Variants in BAG4 observed in about 807,000 individuals in gnomAD.
The protein encoded by BAG4 is BAG family molecular chaperone regulator 4.
BAG4 carries 28 observed loss-of-function variants against 52.1 expected under a neutral mutation model. The ratio of observed to expected loss-of-function variants is 0.54; its 90% CI spans 0.40 to 0.74. The LOEUF is 0.74. Ranked by LOEUF, BAG4 falls within the 30% of genes least tolerant of loss-of-function variation. The probability of loss-of-function intolerance (pLI) is 0.00; values close to 1 mark genes in which losing one functional copy is unlikely to be tolerated. For synonymous variants in BAG4, 208 were observed against 217.0 expected (o/e 0.96, Z 0.37); for missense variants, 525 against 572.0 (o/e 0.92, Z 0.84).
intron 2 of BAG4, chr8:38,201,888 T>A (rs1157651166): frequency 9.8e-5 from 6 of 61,212 alleles, no homozygotes; most frequent in Admixed American, 1.8e-4. Flanking sequence ...ATATTTTTTT[T>A]TTTTTTTTTT....
intron 2 of BAG4, 95 bp downstream of exon 2, chr8:38,192,890 GT>G (rs1311210897): frequency 3.6e-5 from 32 of 884,214 alleles, no homozygotes; most frequent in Non-Finnish European, 4.5e-5. Flanking sequence ...ATGAGTGTGT[GT>G]TTTTTTTCTT....
At chr8:38,201,033 A>G (rs1803654351) in intron 2 of BAG4, among the ~76,000 whole-genome samples, 4 of 152,240 alleles carry the variant, frequency 2.6e-5, no homozygotes, top group Admixed American at 2.0e-4. Context: ...TTCTGATTTC[A>G]CTGATCTTAC....
At chr8:38,201,861 TA>T (rs1803673586) in intron 2 of BAG4, 10 of 9,098 alleles carry the variant, frequency 1.1e-3, no homozygotes, top group East Asian at 2.8e-3. Context: ...TATATATATA[TA>T]TATATATATA....
chr8:38,188,620 T>G (rs1803409689), intron 1 of BAG4, among the ~76,000 whole-genome samples: 1 of 149,200 alleles, frequency 6.7e-6, no homozygotes, highest in Non-Finnish European at 1.5e-5. Context: ...TATATATACA[T>G]GTACACATAT....
In BAG4 at chr8:38,207,143, G is replaced by C. The variant is rs544751359; in HGVS notation, c.379-369G>C. Reference sequence around the variant, plus strand: ...AATTTTTGTATTTTTAGTAGAGATGGGGTTTCACCATTTTGGCCAGGCTGG... The same window carrying C: ...AATTTTTGTATTTTTAGTAGAGATGCGGTTTCACCATTTTGGCCAGGCTGG... On this transcript the variant is annotated intron_variant, in intron 2 of 4. Coordinates refer to ENST00000287322, the MANE Select transcript of BAG4 (RefSeq NM_004874.4). Among the ~76,000 whole-genome samples the C allele has an allele frequency of 1.2e-3, 177 of 152,018 alleles. 2 individuals are homozygous for C. The highest frequency in any genetic ancestry group is 4.9e-4 in the Non-Finnish European group (33 of 67,966).
At chr8:38,194,868 T>G (rs541145950) in intron 2 of BAG4, among the ~76,000 whole-genome samples, 53 of 148,064 alleles carry the variant, frequency 3.6e-4, no homozygotes, top group African/African-American at 7.2e-4. Flanking sequence ...TTTTTGTTTT[T>G]TTTTTTGGCC....
intron 2 of BAG4, 24 bp downstream of exon 2, chr8:38,192,819 T>C (rs775076193): frequency 1.9e-5 from 29 of 1,522,496 alleles, no homozygotes; most frequent in Non-Finnish European, 4.5e-6. Context: ...ACAGAGACTT[T>C]CTGAACTTTT....
At chr8:38,199,318 G>C (rs1803619066) in intron 2 of BAG4, among the ~76,000 whole-genome samples, 1 of 152,204 alleles carries the variant, frequency 6.6e-6, no homozygotes, top group Non-Finnish European at 1.5e-5. Flanking sequence ...TAGTTATGCA[G>C]TGCATGACTG....
intron 1 of BAG4, among the ~76,000 whole-genome samples, chr8:38,190,735 G>A (rs1004150341): frequency 3.4e-5 from 5 of 148,882 alleles, no homozygotes; most frequent in East Asian, 2.0e-4. Flanking sequence ...GAGCCACTGC[G>A]CCCAGCCCAA....
chr8:38,201,855 TATATATATATATATATATATATA>T (rs1803671501), intron 2 of BAG4: 10 of 8,318 alleles, frequency 1.2e-3, no homozygotes, highest in South Asian at 4.9e-3. Context: ...TATATATATA[TATATATATATATATATATATATA>T]TATTTTTTTT....
chr8:38,202,250 T>C (rs1803691416), intron 2 of BAG4: 1 of 152,082 alleles, frequency 6.6e-6, no homozygotes, highest in Non-Finnish European at 1.5e-5. Flanking sequence ...TGTTCTTAAG[T>C]CCTTCTTTTT....
At chr8:38,201,618 A>G (rs1321115698) in intron 2 of BAG4, 1 of 151,808 alleles carries the variant, frequency 6.6e-6, no homozygotes, top group Admixed American at 6.6e-5. Context: ...TCTATCCAAG[A>G]TAGACTCCTA....
chr8:38,190,916 C>A (rs1235346094), intron 1 of BAG4, among the ~76,000 whole-genome samples: 1 of 151,962 alleles, frequency 6.6e-6, no homozygotes, highest in African/African-American at 2.4e-5. Context: ...CACCACCACA[C>A]CCAGCTAATT....
At chr8:38,178,604 A>G (rs776173168) in intron 1 of BAG4, among the ~76,000 whole-genome samples, 2 of 152,250 alleles carry the variant, frequency 1.3e-5, no homozygotes, top group Non-Finnish European at 2.9e-5. Context: ...TATTCATTCA[A>G]TGGAGTATTA....
chr8:38,208,476 AT>A (rs1432224811), intron 3 of BAG4, among the ~76,000 whole-genome samples: 1 of 135,062 alleles, frequency 7.4e-6, no homozygotes, highest in East Asian at 2.3e-4. Flanking sequence ...CGCCCAGCTA[AT>A]TTTTTTTGTA....
intron 2 of BAG4, among the ~76,000 whole-genome samples, chr8:38,205,438 T>C (rs1275154267): frequency 1.3e-5 from 2 of 152,146 alleles, no homozygotes; most frequent in African/African-American, 4.8e-5. Flanking sequence ...ATAGGACATT[T>C]AGGTAGTTTA....
chr8:38,202,053 TTAAC>T (rs1194866421), intron 2 of BAG4: 2 of 151,506 alleles, frequency 1.3e-5, no homozygotes, highest in South Asian at 2.1e-4. Flanking sequence ...ACTTCATTCT[TTAAC>T]TAATAGTGTG....
At chr8:38,181,839 G>A (rs2130661262) in intron 1 of BAG4, among the ~76,000 whole-genome samples, 1 of 127,064 alleles carries the variant, frequency 7.9e-6, no homozygotes, top group South Asian at 2.7e-4. Context: ...CGCAGTGACC[G>A]AGATCATGCC....
intron 2 of BAG4, among the ~76,000 whole-genome samples, chr8:38,199,905 G>T (rs1292234216): frequency 6.6e-6 from 1 of 151,996 alleles, no homozygotes; most frequent in African/African-American, 2.4e-5. Context: ...TTGCAATATG[G>T]TGCAAAGTAA....
Sources: gnomAD v4.1 joint callset for allele counts (sites outside exome capture counted in the v4.1 genomes callset) on GRCh38, gnomAD v4.1.1 for gene constraint, MANE v1.5 for transcripts, NCBI Gene and HGNC (gene_info 2026-07-23, HGNC 2026-07-21) for gene names.